Variants in ACTR3C observed in about 807,000 individuals in gnomAD.
ACTR3C encodes actin-related protein 3C.
Under a neutral mutation model 26.3 loss-of-function variants are expected in ACTR3C, and 18 were observed. That is an observed-to-expected ratio of 0.68 (90% CI 0.47 to 1.01). The LOEUF (loss-of-function observed/expected upper bound fraction) is 1.01. Among genes scored for constraint, ACTR3C ranks in the 50% least tolerant of loss-of-function variants. The pLI is 0.00. For synonymous variants in ACTR3C, 55 were observed against 94.5 expected (o/e 0.58, Z 2.42); for missense variants, 184 against 250.7 (o/e 0.73, Z 1.80).
At chr7:150,177,018 G>A in the ACTR3C span, among the ~76,000 whole-genome samples, 11 of 150,550 alleles carry the variant, frequency 7.3e-5, no homozygotes, top group East Asian at 2.1e-3. Flanking sequence ...TTTTAACATA[G>A]TTTCAGTTGA....
At chr7:150,029,602 G>A in the ACTR3C span, among the ~76,000 whole-genome samples, 1 of 151,908 alleles carries the variant, frequency 6.6e-6, no homozygotes, top group African/African-American at 2.4e-5. Flanking sequence ...CTCTTACACT[G>A]CTCTCCTTCT....
At chr7:150,317,998 T>C (rs186527653) in intron 1 of ACTR3C, among the ~76,000 whole-genome samples, 1 of 152,104 alleles carries the variant, frequency 6.6e-6, no homozygotes, top group Non-Finnish European at 1.5e-5. Context: ...CTTGTTTTAG[T>C]AGATTTGGGG....
At chr7:150,308,194 C>T (rs988603494) in intron 1 of ACTR3C, among the ~76,000 whole-genome samples, 8 of 152,102 alleles carry the variant, frequency 5.3e-5, no homozygotes, top group African/African-American at 1.4e-4. Flanking sequence ...CCCCTCTCTT[C>T]GAGTCTCTAC....
the ACTR3C span, chr7:150,074,299 G>C: frequency 6.6e-6 from 1 of 152,018 alleles, no homozygotes; most frequent in Non-Finnish European, 1.5e-5. Flanking sequence ...GTACTGTTCT[G>C]ATATATTACA....
the ACTR3C span, among the ~76,000 whole-genome samples, chr7:150,078,047 A>G: frequency 1.3e-5 from 2 of 152,080 alleles, no homozygotes; most frequent in Admixed American, 6.5e-5. Context: ...TTTGCCTTAA[A>G]ATTTCAGGGG....
At chr7:150,166,086 T>TA in the ACTR3C span, among the ~76,000 whole-genome samples, 1 of 151,814 alleles carries the variant, frequency 6.6e-6, no homozygotes, top group South Asian at 2.1e-4. Context: ...GGTGATTAGA[T>TA]AAGCGCACAC....
At chr7:149,942,806 A>G in the ACTR3C span, among the ~76,000 whole-genome samples, 30,409 of 144,402 alleles carry the variant, frequency 0.21, 5,224 homozygotes, top group African/African-American at 0.49. Flanking sequence ...CAACAAATAT[A>G]GCAATGGCAG....
the ACTR3C span, among the ~76,000 whole-genome samples, chr7:150,237,567 C>G: frequency 2.0e-5 from 3 of 152,294 alleles, no homozygotes; most frequent in East Asian, 5.8e-4. Context: ...TTCCATATCT[C>G]ATAGGGTGGT....
At chr7:150,091,936 C>T in the ACTR3C span, among the ~76,000 whole-genome samples, 1 of 118,962 alleles carries the variant, frequency 8.4e-6, no homozygotes, top group Admixed American at 1.1e-4. Flanking sequence ...TGCAGTGAGC[C>T]GAGATCGCGC....
At chr7:149,964,224 G>C in the ACTR3C span, among the ~76,000 whole-genome samples, 1 of 152,212 alleles carries the variant, frequency 6.6e-6, no homozygotes, top group Non-Finnish European at 1.5e-5. Context: ...CAGATAGTCA[G>C]GGCCACCCAA....
At chr7:149,915,519 T>TTTTTTTTG in the ACTR3C span, among the ~76,000 whole-genome samples, 84,105 of 151,338 alleles carry the variant, frequency 0.56, 27,325 homozygotes, top group Non-Finnish European at 0.71. Flanking sequence ...TCCATTTTGT[T>TTTTTTTTG]TTTTTTGTTT....
intron 1 of ACTR3C, among the ~76,000 whole-genome samples, chr7:150,308,552 T>G (rs1421593108): frequency 6.6e-6 from 1 of 151,924 alleles, no homozygotes; most frequent in Non-Finnish European, 1.5e-5. Flanking sequence ...TCCCAAATCC[T>G]TCTTCTTTCT....
chr7:150,278,241 G>A (rs993482611), intron 6 of ACTR3C, among the ~76,000 whole-genome samples: 1 of 152,196 alleles, frequency 6.6e-6, no homozygotes, highest in African/African-American at 2.4e-5. Context: ...GGTCACACCA[G>A]CCTTCACTCC....
At chr7:150,073,585 C>G in the ACTR3C span, 1 of 148,014 alleles carries the variant, frequency 6.8e-6, no homozygotes, top group Non-Finnish European at 1.5e-5. Context: ...TACAACAAAT[C>G]TCTTTTGCAT....
the ACTR3C span, among the ~76,000 whole-genome samples, chr7:150,167,018 G>GTGTA: frequency 5.4e-5 from 8 of 147,192 alleles, no homozygotes; most frequent in South Asian, 2.1e-4. Flanking sequence ...ATTCCACTGT[G>GTGTA]TATATATATA....
chr7:150,179,785 G>A, the ACTR3C span, among the ~76,000 whole-genome samples: 2 of 151,760 alleles, frequency 1.3e-5, no homozygotes, highest in Admixed American at 1.3e-4. Context: ...ATAAGCCACT[G>A]TGCTGGGACT....
Position 150,250,202 on chromosome 7 carries a change from C to CTTTTT in ACTR3C, c.565-1153_565-1149dup, listed in dbSNP as rs1192764981. ...ATGAGCAAGAAATGACAGAATCTGA[C>CTTTTT]TTTTTTTTTTTTTTTTTTTGAGACG... On this transcript the variant is annotated intron_variant, in intron 6 of 7. Coordinates refer to ENST00000683684, the MANE Select transcript of ACTR3C (RefSeq NM_001164458.2). Among the ~76,000 whole-genome samples, 137 of 125,468 alleles carry CTTTTT rather than the reference C, an allele frequency of 1.1e-3. 8 individuals carry two copies. The highest frequency in any genetic ancestry group is 4.0e-3 in the African/African-American group (118 of 29,298). The allele number at this position is 125,468 out of a possible 152,430, so 82.3% of individuals were successfully genotyped here.
chr7:149,951,800 C>T, the ACTR3C span, among the ~76,000 whole-genome samples: 2 of 150,180 alleles, frequency 1.3e-5, no homozygotes, highest in Admixed American at 6.6e-5. Flanking sequence ...GAGTAAACAA[C>T]TGGCAGATGG....
chr7:150,034,830 CTCTGCGATGGGTGT>C, the ACTR3C span, among the ~76,000 whole-genome samples: 4 of 144,620 alleles, frequency 2.8e-5, no homozygotes, highest in Admixed American at 2.7e-4. Flanking sequence ...TGCCTCCCCC[CTCTGCGATGGGTGT>C]CCTAAGAGCC....
Sources: gnomAD v4.1 joint callset for allele counts (sites outside exome capture counted in the v4.1 genomes callset) on GRCh38, gnomAD v4.1.1 for gene constraint, MANE v1.5 for transcripts, NCBI Gene and HGNC (gene_info 2026-07-23, HGNC 2026-07-21) for gene names.